The following ROBO2 variants were observed in gnomAD, a reference collection of about 807,000 sequenced individuals.
ROBO2 encodes the protein roundabout guidance receptor 2, also known as roundabout homolog 2.
ROBO2 carries 53 observed loss-of-function variants against 160.8 expected under a neutral mutation model. The ratio of observed to expected loss-of-function variants is 0.33; its 90% CI spans 0.26 to 0.41. The LOEUF (loss-of-function observed/expected upper bound fraction) is 0.41, where lower values mean the gene tolerates loss of function less well. Ranked by LOEUF, ROBO2 falls within the 10% of genes least tolerant of loss-of-function variation. The pLI is 1.00. For missense variants in ROBO2, 1,577 were observed against 1,722.4 expected, an observed-to-expected ratio of 0.92 and a Z score of 1.49; for synonymous variants, 664 against 611.7, an observed-to-expected ratio of 1.09 and a Z score of -1.26.
In ROBO2 at chr3:76,055,020, A is replaced by G. The variant is rs993174373; in HGVS notation, c.109+117418A>G. On this transcript the variant is annotated intron_variant, in intron 2 of 26. Transcript: ENST00000487694. Reference sequence around the variant, plus strand: ...CGAGACTGGGTCATTTATCAAGGAAAGAGGTTTAATTGACTCACAGTTCTA... The same window carrying G: ...CGAGACTGGGTCATTTATCAAGGAAGGAGGTTTAATTGACTCACAGTTCTA... Among the ~76,000 whole-genome samples, 10 of 152,334 alleles carry G rather than the reference A, an allele frequency of 6.6e-5. No homozygotes were observed. The East Asian group carries it at 1.7e-3, about 26-fold the overall frequency.
At chr3:77,602,682 A>ACCACCACCGCCG (rs1559705950) in intron 20 of ROBO2, among the ~76,000 whole-genome samples, 191 bp downstream of exon 21, 1 of 99,330 alleles carries the variant, frequency 1.0e-5, no homozygotes, top group African/African-American at 3.8e-5. Context: ...CACCACCACC[A>ACCACCACCGCCG]CCACCACCGC....
intron 2 of ROBO2, among the ~76,000 whole-genome samples, chr3:76,995,015 A>G (rs1390626831): frequency 6.6e-6 from 1 of 151,976 alleles, no homozygotes; most frequent in East Asian, 1.9e-4. Flanking sequence ...TTTGTTACAT[A>G]GGTATACATG....
rs536622719 is a variant in ROBO2 at position 76,216,856 on chromosome 3, A to C, written c.109+279254A>C. Among the ~76,000 whole-genome samples, 185 of 152,196 alleles carry C rather than the reference A, an allele frequency of 1.2e-3. 2 individuals are homozygous for C. Among genetic ancestry groups the C allele is most frequent in the African/African-American group, 4.0e-3 (167 of 41,550 alleles). Reference sequence around the variant, plus strand: ...CTCCACCCAAAATCAACAGAATATAAATTCTTTTCAGCACCACACCACACC... The same window carrying C: ...CTCCACCCAAAATCAACAGAATATACATTCTTTTCAGCACCACACCACACC... On this transcript the variant is annotated intron_variant, in intron 2 of 26. Coordinates refer to the ROBO2 transcript ENST00000487694.
At chr3:77,594,971 C>G (rs1195695460) in intron 17 of ROBO2, among the ~76,000 whole-genome samples, 171 bp from the exon 19 acceptor site, 1 of 152,064 alleles carries the variant, frequency 6.6e-6, no homozygotes, top group Admixed American at 6.6e-5. Flanking sequence ...GATGGCTTTG[C>G]CTTGGGCCAA....
intron 13 of ROBO2, among the ~76,000 whole-genome samples, chr3:77,568,751 T>G (rs185079609): frequency 9.7e-4 from 148 of 152,192 alleles, no homozygotes; most frequent in African/African-American, 3.3e-3. Flanking sequence ...CACCAAAATC[T>G]AATTTTAGAA....
At chr3:76,849,055 T>C (rs915911530) in intron 2 of ROBO2, among the ~76,000 whole-genome samples, 18 of 152,214 alleles carry the variant, frequency 1.2e-4, no homozygotes, top group African/African-American at 3.9e-4. Context: ...TGTCACCCCA[T>C]CTGTTTCCTA....
At chr3:76,047,408 T>G (rs2067487136) in intron 2 of ROBO2, among the ~76,000 whole-genome samples, 1 of 152,222 alleles carries the variant, frequency 6.6e-6, no homozygotes, top group Admixed American at 6.5e-5. Flanking sequence ...CTGTCTGTCT[T>G]GTTCTATGAA....
At chr3:76,395,948 G>A (rs1378729262) in intron 2 of ROBO2, among the ~76,000 whole-genome samples, 2 of 152,120 alleles carry the variant, frequency 1.3e-5, no homozygotes, top group African/African-American at 4.8e-5. Context: ...TAGAAAAAGA[G>A]GGAATCCTCC....
intron 2 of ROBO2, among the ~76,000 whole-genome samples, chr3:76,777,593 C>G (rs2062357063): frequency 6.7e-6 from 1 of 150,306 alleles, no homozygotes; most frequent in African/African-American, 2.4e-5. Context: ...TATACCTTTG[C>G]CTTTCAGTAG....
chr3:76,394,139 A>G (rs955197747), intron 2 of ROBO2, among the ~76,000 whole-genome samples: 1 of 152,058 alleles, frequency 6.6e-6, no homozygotes, highest in Non-Finnish European at 1.5e-5. Flanking sequence ...TAAAGTTAAT[A>G]TTGTTATGTG....
At chr3:76,136,562 G>T (rs1454209685) in intron 2 of ROBO2, among the ~76,000 whole-genome samples, 1 of 151,994 alleles carries the variant, frequency 6.6e-6, no homozygotes, top group Non-Finnish European at 1.5e-5. Flanking sequence ...GTATAATATA[G>T]GAGTGCAGAG....
chr3:77,006,456 G>A (rs2061586276), intron 2 of ROBO2, among the ~76,000 whole-genome samples: 1 of 151,684 alleles, frequency 6.6e-6, no homozygotes, highest in African/African-American at 2.4e-5. Flanking sequence ...AGCAAATTAA[G>A]GCTTTTCAAA....
At chr3:76,213,249 T>C (rs1441671856) in intron 2 of ROBO2, among the ~76,000 whole-genome samples, 2 of 151,964 alleles carry the variant, frequency 1.3e-5, no homozygotes, top group East Asian at 3.9e-4. Flanking sequence ...CAAATTATCA[T>C]AGTAAACAAG....
intron 5 of ROBO2, among the ~76,000 whole-genome samples, chr3:77,509,251 G>T (rs188850471): frequency 1.3e-5 from 2 of 152,152 alleles, no homozygotes; most frequent in Admixed American, 1.3e-4. Flanking sequence ...AGGAAGGAGG[G>T]TAGAAAGGCC....
chr3:76,304,443 A>G (rs2071221623), intron 2 of ROBO2, among the ~76,000 whole-genome samples: 1 of 152,250 alleles, frequency 6.6e-6, no homozygotes, highest in Admixed American at 6.5e-5. Context: ...CTATATATGT[A>G]ATAGTGAATT....
intron 2 of ROBO2, among the ~76,000 whole-genome samples, chr3:77,430,733 C>T (rs193118963): frequency 2.0e-5 from 3 of 152,118 alleles, no homozygotes; most frequent in East Asian, 1.9e-4. Context: ...ACTTCCTAAC[C>T]TCCAGAACTC....
chr3:76,042,236 A>G (rs1043828058), intron 2 of ROBO2, among the ~76,000 whole-genome samples: 3 of 152,000 alleles, frequency 2.0e-5, no homozygotes, highest in Non-Finnish European at 2.9e-5. Context: ...GAAGAAATGA[A>G]ATGAATAAAG....
chr3:77,399,772 C>T (rs2075626445), intron 2 of ROBO2, among the ~76,000 whole-genome samples: 1 of 152,088 alleles, frequency 6.6e-6, no homozygotes, highest in Non-Finnish European at 1.5e-5. Context: ...AGGAAGCAAG[C>T]TATCTCTATC....
At chr3:77,619,060 A>ACG in intron 22 of ROBO2, among the ~76,000 whole-genome samples, 1 of 152,146 alleles carries the variant, frequency 6.6e-6, no homozygotes, top group African/African-American at 2.4e-5. Context: ...CCTGGGCTCC[A>ACG]CTCCCAGAGA....
Sources: gnomAD v4.1 joint callset for allele counts (sites outside exome capture counted in the v4.1 genomes callset) on GRCh38, gnomAD v4.1.1 for gene constraint, MANE v1.5 for transcripts, NCBI Gene and HGNC (gene_info 2026-07-23, HGNC 2026-07-21) for gene names.